Variants in HPS5 observed in about 807,000 individuals in gnomAD.
HPS5 encodes BLOC-2 complex member HPS5.
HPS5 carries 83 observed loss-of-function variants against 128.0 expected under a neutral mutation model. That is an observed-to-expected ratio of 0.65 (90% confidence interval 0.54 to 0.78). The LOEUF (loss-of-function observed/expected upper bound fraction) is 0.78, where lower values mean the gene tolerates loss of function less well. Ranked by LOEUF, HPS5 falls within the 30% of genes least tolerant of loss-of-function variation. The pLI is 0.00. For synonymous variants in HPS5, 475 were observed against 470.2 expected (o/e 1.01, Z -0.13); for missense variants, 1,281 against 1,326.2 (o/e 0.97, Z 0.53).
At chr11:18,305,961 T>G (rs950319344) in intron 7 of HPS5, among the ~76,000 whole-genome samples, 174 bp downstream of exon 7, 4 of 152,204 alleles carry the variant, frequency 2.6e-5, no homozygotes, top group Admixed American at 1.3e-4. Flanking sequence ...CTCGATCTCC[T>G]GACCTCAAGA....
Position 18,279,932 on chromosome 11 carries a change from G to A in HPS5, c.3340C>T (p.Gln1114Ter), listed in dbSNP as rs750516587. Residue 1114 changes from glutamine to a stop codon, truncating the protein, a stop_gained, in exon 23 of 23, where the codon CAA (glutamine) becomes TAA (stop). Coordinates refer to ENST00000349215, the MANE Select transcript of HPS5 (RefSeq NM_181507.2). LOFTEE classifies it high-confidence loss of function. The stretch of plus-strand genomic sequence containing the variant: ...CGATCGCATTTTTCAAGCATGCTTT[G>A]TATCAAGGCCCTGAAATCCCAAAGA... ...IAEKRQRALI[Q>*]SMLEKCDRFL... 6.2e-7 allele frequency: 1 copy of A among 1,614,080 alleles called. No individual in the cohort carries two copies. The highest frequency in any genetic ancestry group is 1.3e-5 in the African/African-American group (1 of 75,048).
chr11:18,316,257 T>G (rs538820835), intron 2 of HPS5, among the ~76,000 whole-genome samples: 1 of 151,764 alleles, frequency 6.6e-6, no homozygotes, highest in African/African-American at 2.4e-5. Flanking sequence ...ATCTCCCCAT[T>G]GCACTTAGGC....
Position 18,279,674 on chromosome 11 carries a change from T to A in HPS5, c.*208A>T. ...TCAACTTTGGTTAAGAAATGCTGAGTACAACTTTGGTTAAGAAACACTGAG... is the reference window on the plus strand; with the variant it reads ...TCAACTTTGGTTAAGAAATGCTGAGAACAACTTTGGTTAAGAAACACTGAG... On this transcript the variant is annotated 3_prime_UTR_variant, in exon 23 of 23. Transcript: ENST00000349215. 1.7e-6 allele frequency: 1 copy of A among 601,148 alleles called. No homozygotes were observed. Among genetic ancestry groups the A allele is most frequent in the Non-Finnish European group, 3.0e-6 (1 of 336,116 alleles). The allele number at this position is 601,148 out of a possible 1,614,324, so 37.2% of individuals were successfully genotyped here.
chr11:18,282,250 A>G (rs1859078244), intron 21 of HPS5, 30 bp from the exon 22 acceptor site: 2 of 1,613,166 alleles, frequency 1.2e-6, no homozygotes. Context: ...TGTCAGTTTG[A>G]CCACTCTTAG....
At position 18,281,975 on chromosome 11, in the gene HPS5, G is replaced by T. The variant is rs745835606; in HGVS notation, c.3304C>A (p.Leu1102Met). The change falls in exon 22 of 23, where the codon CTG (leucine) becomes ATG (methionine). Residue 1102 changes from leucine (L) to methionine (M), a missense_variant. Transcript: ENST00000349215. Reference sequence around the variant, plus strand: ...CTCTGCCTTTTCTCAGCAATCCTCAGGATATCGCAGGTTCTGGTAAACTTC... The same window carrying T: ...CTCTGCCTTTTCTCAGCAATCCTCATGATATCGCAGGTTCTGGTAAACTTC... ...SEKFTRTCDI[L>M]RIAEKRQRAL... is the part of the protein sequence containing the mutation. The T allele has an allele frequency of 1.1e-5, 17 of 1,614,054 alleles. No homozygotes were observed. The highest frequency in any genetic ancestry group is 1.7e-6 in the Non-Finnish European group (2 of 1,180,062).
intron 6 of HPS5, among the ~76,000 whole-genome samples, chr11:18,308,555 C>G (rs190261996): frequency 6.6e-6 from 1 of 152,270 alleles, no homozygotes; most frequent in East Asian, 1.9e-4. Context: ...TGGTTCATGC[C>G]TATAATCCAA....
intron 2 of HPS5, among the ~76,000 whole-genome samples, chr11:18,313,566 G>A (rs58550892): frequency 1.3e-5 from 2 of 152,036 alleles, no homozygotes; most frequent in South Asian, 4.1e-4. Flanking sequence ...TCAGGATGTC[G>A]AGACCAGCCT....
In HPS5 at chr11:18,279,528, C is replaced by T. The variant is rs566979486; in HGVS notation, c.*354G>A. 4.8e-4 allele frequency: 126 copies of T among 262,602 alleles called. No homozygotes were observed. The highest frequency in any genetic ancestry group is 2.7e-3 in the African/African-American group (119 of 44,858). 16.3% of individuals were successfully genotyped at this position (262,602 alleles called of 1,614,324 possible). ...AAAGCTTCTGCTCCCAACATGGAAG[C>T]CACAGTAAGAAAAGAATCTGTCTAA... is the stretch of plus-strand genomic sequence containing the variant. On this transcript the variant is annotated 3_prime_UTR_variant, in exon 23 of 23. Coordinates refer to ENST00000349215, the MANE Select transcript of HPS5 (RefSeq NM_181507.2).
chr11:18,309,689 T>G (rs996070766), intron 5 of HPS5, among the ~76,000 whole-genome samples: 8 of 152,192 alleles, frequency 5.3e-5, no homozygotes, highest in Admixed American at 3.3e-4. Flanking sequence ...TATTCTGATG[T>G]GTTCATTAAA....
intron 2 of HPS5, among the ~76,000 whole-genome samples, chr11:18,316,423 G>C (rs773533615): frequency 3.9e-5 from 6 of 152,122 alleles, no homozygotes; most frequent in Non-Finnish European, 8.8e-5. Flanking sequence ...CTTGGTCTTT[G>C]TGAGATATAC....
At chr11:18,304,094 C>T (rs1862063151) in intron 8 of HPS5, among the ~76,000 whole-genome samples, 1 of 151,856 alleles carries the variant, frequency 6.6e-6, no homozygotes, top group Non-Finnish European at 1.5e-5. Flanking sequence ...AGGAAGAATG[C>T]TAAAGGAGGA....
At position 18,298,934 on chromosome 11, in the gene HPS5, A is replaced by G; in HGVS notation, c.1022T>C (p.Phe341Ser). 1 of 1,614,266 alleles carries G rather than the reference A, an allele frequency of 6.2e-7. No homozygotes were observed. Among genetic ancestry groups the G allele is most frequent in the Non-Finnish European group, 8.5e-7 (1 of 1,180,046 alleles). The change falls in exon 10 of 23, where the codon TTC becomes TCC. Residue 341 changes from phenylalanine to serine, a missense_variant. Phe to Ser is a radical substitution (Grantham distance 155, BLOSUM62 -2). Coordinates refer to ENST00000349215, the MANE Select transcript of HPS5 (RefSeq NM_181507.2). ...QDVAVCRNEL[F>S]CLHLNGKVSH... ...GACTTTCCCATTTAGGTGCAAACAG[A>G]ACAATTCATTCCTACAGACAGCCAC...
At chr11:18,319,620 A>C (rs994150104) in intron 1 of HPS5, among the ~76,000 whole-genome samples, 1 of 152,214 alleles carries the variant, frequency 6.6e-6, no homozygotes, top group African/African-American at 2.4e-5. Context: ...CAAACCAAAG[A>C]ACCTGAACTT....
intron 20 of HPS5, among the ~76,000 whole-genome samples, chr11:18,285,145 A>G (rs1236401226): frequency 1.0e-4 from 15 of 150,420 alleles, no homozygotes; most frequent in Admixed American, 9.9e-4. Flanking sequence ...GGCTATTTAA[A>G]AAAAAAAAAA....
chr11:18,302,022 C>T (rs1399221288), intron 8 of HPS5, among the ~76,000 whole-genome samples: 1 of 152,000 alleles, frequency 6.6e-6, no homozygotes, highest in Non-Finnish European at 1.5e-5. Flanking sequence ...CTCAAAAAGT[C>T]ACAGATTCCC....
rs1859968210 is a variant in HPS5 at position 18,288,109 on chromosome 11, C to G, written c.2441-96G>C. 5.2e-5 allele frequency: 70 copies of G among 1,349,852 alleles called. No homozygotes were observed. The South Asian group carries it at 8.3e-4, about 16-fold the overall frequency. The allele number at this position is 1,349,852 out of a possible 1,614,324, so 83.6% of individuals were successfully genotyped here. A position where few individuals can be genotyped will look rare whatever the true frequency, so the allele number is the denominator to read the frequency against. On this transcript the variant is annotated intron_variant, in intron 16 of 22. Transcript: ENST00000349215. ...CATTCAGCAATCATTAGTCACGTACCTACTGTGTGGACCTATTATGTGCAA... is the reference window on the plus strand; with the variant it reads ...CATTCAGCAATCATTAGTCACGTACGTACTGTGTGGACCTATTATGTGCAA...
intron 3 of HPS5, 184 bp downstream of exon 3, chr11:18,311,730 C>T: frequency 1.5e-6 from 1 of 646,694 alleles, no homozygotes; most frequent in Non-Finnish European, 2.8e-6. Context: ...AGGCTGGTCT[C>T]CAACTCCTGA....
In HPS5 at chr11:18,279,907, C is replaced by A. The variant is rs201017833; in HGVS notation, c.3365G>T (p.Arg1122Leu). 1.9e-6 allele frequency: 3 copies of A among 1,614,126 alleles called. No individual in the cohort carries two copies. Among genetic ancestry groups the A allele is most frequent in the Non-Finnish European group, 2.5e-6 (3 of 1,180,000 alleles). Residue 1122 changes from arginine to leucine, a missense_variant, in exon 23 of 23, where the codon CGG (arginine) becomes CTG (leucine). Transcript: ENST00000349215. ...LIQSMLEKCD[R>L]FLWSQQA is the part of the protein sequence containing the mutation. ...CTAGGCCTGCTGGGACCAGAGAAAC[C>A]GATCGCATTTTTCAAGCATGCTTTG...
chr11:18,301,880 A>G (rs1316790603), intron 8 of HPS5, among the ~76,000 whole-genome samples: 2 of 152,184 alleles, frequency 1.3e-5, no homozygotes. Context: ...TTTATACTGG[A>G]TATGCAGGAT....
Sources: gnomAD v4.1 joint callset for allele counts (sites outside exome capture counted in the v4.1 genomes callset) on GRCh38, gnomAD v4.1.1 for gene constraint, MANE v1.5 for transcripts, NCBI Gene and HGNC (gene_info 2026-07-23, HGNC 2026-07-21) for gene names.